Variants in TTC12 observed in about 807,000 individuals in gnomAD.
The protein encoded by TTC12 is tetratricopeptide repeat domain 12, also known as tetratricopeptide repeat protein 12.
In TTC12, 70 loss-of-function variants were observed where a neutral mutation model predicts 90.1. The observed-to-expected ratio is 0.78, with a 90% CI of 0.64 to 0.95. TTC12 has a LOEUF of 0.95. Ranked by LOEUF, TTC12 falls within the 40% of genes least tolerant of loss-of-function variation. The pLI is 0.00. For synonymous variants in TTC12, 296 were observed against 311.5 expected (o/e 0.95, Z 0.53); for missense variants, 819 against 846.1 (o/e 0.97, Z 0.40).
At position 113,359,444 on chromosome 11, in the gene TTC12, G is replaced by A. The variant is rs368147211; in HGVS notation, c.1528G>A (p.Ala510Thr). ...LGLMMNLCLQ[A>T]PFVSEVWAVE... ...ACTCATGATGAACCTGTGTCTTCAGGCTCCCTTTGTCTCTGAGGTATGGCA... is the reference window on the plus strand; with the variant it reads ...ACTCATGATGAACCTGTGTCTTCAGACTCCCTTTGTCTCTGAGGTATGGCA... Residue 510 changes from alanine (A) to threonine (T), a missense_variant, in exon 17 of 22, where the codon GCT (alanine) becomes ACT (threonine). Ala to Thr is a moderately conservative substitution (Grantham distance 58). Transcript: ENST00000529221. The A allele has an allele frequency of 2.5e-6, 4 of 1,612,732 alleles. No individual in the cohort carries two copies. The highest frequency in any genetic ancestry group is 3.4e-6 in the Non-Finnish European group (4 of 1,178,812).
intron 14 of TTC12, 127 bp downstream of exon 14, chr11:113,350,292 G>A: frequency 4.3e-6 from 3 of 700,140 alleles, no homozygotes; most frequent in South Asian, 3.7e-5. Flanking sequence ...AAGATTCACT[G>A]AGTAGGAGGG....
rs1020431054 is a variant in TTC12, at chr11:113,341,182, A to G, written c.896+449A>G. On this transcript the variant is annotated intron_variant, in intron 11 of 21. Transcript: ENST00000529221. ...GAGGCGGAGGTTGCAGTGAGCCGAG[A>G]TCACGCCACTGTACTCCAGCCTAGG... Among the ~76,000 whole-genome samples, 3 of 152,204 alleles carry G rather than the reference A, an allele frequency of 2.0e-5. No individual in the cohort carries two copies. The East Asian group carries it at 5.8e-4, about 29-fold the overall frequency.
At chr11:113,340,370 C>T (rs1182243769) in intron 10 of TTC12, among the ~76,000 whole-genome samples, 1 of 152,246 alleles carries the variant, frequency 6.6e-6, no homozygotes, top group East Asian at 1.9e-4. Context: ...CTCTGGGAGG[C>T]TCTCTGAAGA....
intron 7 of TTC12, among the ~76,000 whole-genome samples, chr11:113,331,266 C>T (rs1436339354): frequency 6.6e-6 from 1 of 152,178 alleles, no homozygotes; most frequent in African/African-American, 2.4e-5. Flanking sequence ...GATCCACTAA[C>T]CTGCTTTGTC....
chr11:113,340,606 C>G, intron 10 of TTC12, 58 bp from the exon 11 acceptor site: 2 of 1,364,642 alleles, frequency 1.5e-6, no homozygotes, highest in Non-Finnish European at 1.1e-6. Context: ...TGTGTTGCAG[C>G]GAGACACCAG....
chr11:113,338,710 C>T, intron 8 of TTC12, 64 bp from the exon 9 acceptor site: 1 of 1,299,260 alleles, frequency 7.7e-7, no homozygotes, highest in South Asian at 1.2e-5. Context: ...CAATGACACC[C>T]AGTGTCTTTC....
chr11:113,329,686 G>A (rs557585662), intron 6 of TTC12: 10 of 599,380 alleles, frequency 1.7e-5, no homozygotes, highest in Middle Eastern at 2.6e-4. Flanking sequence ...CGATTCTGTA[G>A]CATCCCTTGT....
intron 13 of TTC12, among the ~76,000 whole-genome samples, 166 bp from the exon 14 acceptor site, chr11:113,349,907 C>G (rs1378312895): frequency 6.6e-6 from 1 of 152,162 alleles, no homozygotes; most frequent in African/African-American, 2.4e-5. Flanking sequence ...GTATCTGTCT[C>G]TGGGTGGGCA....
downstream of TTC12, chr11:113,368,245 C>G: frequency 6.6e-7 from 1 of 1,518,534 alleles, no homozygotes; most frequent in Non-Finnish European, 8.8e-7. Flanking sequence ...ACCTGAAGCT[C>G]TGTCTCCTCG....
intron 11 of TTC12, 35 bp from the exon 12 acceptor site, chr11:113,341,802 A>G (rs782223332): frequency 2.0e-6 from 3 of 1,521,250 alleles, no homozygotes; most frequent in African/African-American, 2.7e-5. Flanking sequence ...ACTGATTTTC[A>G]GACTTTTAAG....
chr11:113,362,854 T>G (rs1950009639), intron 19 of TTC12, among the ~76,000 whole-genome samples: 1 of 152,252 alleles, frequency 6.6e-6, no homozygotes, highest in African/African-American at 2.4e-5. Context: ...GTTTTGCTAC[T>G]CATGATGCTT....
In TTC12 at chr11:113,322,311, C is replaced by T. The variant is rs1345013913; in HGVS notation, c.59-977C>T. On this transcript the variant is annotated intron_variant, in intron 2 of 21. Transcript: ENST00000529221. ...CGAATGGAATAGGTTGAAAATATTG[C>T]GCAATAGGATTATTAATTGGTGATG... is the stretch of plus-strand genomic sequence containing the variant. 1.3e-4 allele frequency among the ~76,000 whole-genome samples: 19 copies of T among 151,998 alleles called. 1 individual carries two copies. Among genetic ancestry groups the T allele is most frequent in the African/African-American group, 4.4e-4 (18 of 41,366 alleles).
intron 6 of TTC12, among the ~76,000 whole-genome samples, chr11:113,327,093 C>A (rs1947740951): frequency 6.6e-6 from 1 of 152,178 alleles, no homozygotes; most frequent in Non-Finnish European, 1.5e-5. Flanking sequence ...AATTGAATTG[C>A]TTTAAAAAAG....
intron 13 of TTC12, among the ~76,000 whole-genome samples, chr11:113,349,869 A>G (rs1178001266): frequency 3.3e-5 from 5 of 152,142 alleles, no homozygotes; most frequent in Admixed American, 2.6e-4. Context: ...GGGGATTCAC[A>G]TTAAGTGGTG....
chr11:113,362,402 G>A lies in TTC12; in HGVS notation c.1616G>A (p.Arg539Lys). ...TTATCCTCTTTCTGCTGTACTCAGAGAGCTGCTGGTGTTCTGAGCCGGACC... is the reference window on the plus strand; with the variant it reads ...TTATCCTCTTTCTGCTGTACTCAGAAAGCTGCTGGTGTTCTGAGCCGGACC... ...LNSQDGGILT[R>K]AAGVLSRTLS... is the part of the protein sequence containing the mutation. Residue 539 changes from arginine (R) to lysine (K), a missense_variant and splice_region_variant, in exon 19 of 22, where the codon AGA becomes AAA. Transcript: ENST00000529221. 1 of 1,611,066 alleles carries A rather than the reference G, an allele frequency of 6.2e-7. No homozygotes were observed. Among genetic ancestry groups the A allele is most frequent in the African/African-American group, 1.3e-5 (1 of 74,982 alleles).
chr11:113,315,636 G>A (rs1946888495), intron 1 of TTC12, among the ~76,000 whole-genome samples: 1 of 152,170 alleles, frequency 6.6e-6, no homozygotes, highest in Non-Finnish European at 1.5e-5. Context: ...ACACCACGGG[G>A]CCTTCTCGCA....
intron 16 of TTC12, among the ~76,000 whole-genome samples, chr11:113,354,708 A>G (rs1263181486): frequency 1.3e-5 from 2 of 152,244 alleles, no homozygotes; most frequent in East Asian, 1.9e-4. Flanking sequence ...TTCTGTATCT[A>G]TTGAGATAAT....
At chr11:113,331,915 T>TA (rs1194884807) in intron 7 of TTC12, among the ~76,000 whole-genome samples, 16 of 152,234 alleles carry the variant, frequency 1.1e-4, no homozygotes, top group African/African-American at 3.6e-4. Context: ...TAAAAACTAA[T>TA]AATGATTTGT....
chr11:113,366,934 C>A (rs1378737988), downstream of TTC12, among the ~76,000 whole-genome samples: 2 of 152,218 alleles, frequency 1.3e-5, no homozygotes, highest in African/African-American at 2.4e-5. Context: ...GCTATAGGCA[C>A]CCTGTTCCAT....
Sources: gnomAD v4.1 joint callset for allele counts (sites outside exome capture counted in the v4.1 genomes callset) on GRCh38, gnomAD v4.1.1 for gene constraint, MANE v1.5 for transcripts, NCBI Gene and HGNC (gene_info 2026-07-23, HGNC 2026-07-21) for gene names.